RFX3: variants seen among roughly 807,000 people sequenced by gnomAD.
RFX3 encodes transcription factor RFX3.
Under a neutral mutation model 98.6 loss-of-function variants are expected in RFX3, and 14 were observed. The ratio of observed to expected loss-of-function variants is 0.14; its 90% CI spans 0.09 to 0.22. The LOEUF (loss-of-function observed/expected upper bound fraction) is 0.22. RFX3 is among the 10% of genes least tolerant of loss of function. The pLI is 1.00. For missense variants in RFX3, 639 were observed against 926.9 expected (o/e 0.69, Z 4.03); for synonymous variants, 383 against 328.4 (o/e 1.17, Z -1.80).
chr9:3,341,305 A>G (rs1833863157), intron 3 of RFX3, among the ~76,000 whole-genome samples: 1 of 151,996 alleles, frequency 6.6e-6, no homozygotes, highest in Admixed American at 6.6e-5. Flanking sequence ...CCTAATGCTA[A>G]ATGACGAGTT....
intron 1 of RFX3, among the ~76,000 whole-genome samples, chr9:3,477,728 T>G (rs1415834951): frequency 6.6e-6 from 1 of 152,206 alleles, no homozygotes; most frequent in African/African-American, 2.4e-5. Flanking sequence ...TCTGCCATTT[T>G]TTTTTAAATA....
At chr9:3,340,264 A>T (rs1229432920) in intron 3 of RFX3, among the ~76,000 whole-genome samples, 4 of 152,198 alleles carry the variant, frequency 2.6e-5, no homozygotes, top group Non-Finnish European at 5.9e-5. Flanking sequence ...AAGATGGATT[A>T]AAGACTTAAA....
intron 2 of RFX3, among the ~76,000 whole-genome samples, chr9:3,365,358 G>C (rs182643389): frequency 1.3e-5 from 2 of 150,376 alleles, no homozygotes; most frequent in East Asian, 3.9e-4. Context: ...AAAATCATGA[G>C]GTAGTTTGCA....
At chr9:3,521,893 T>C (rs921194945) in intron 1 of RFX3, among the ~76,000 whole-genome samples, 2 of 152,168 alleles carry the variant, frequency 1.3e-5, no homozygotes, top group African/African-American at 4.8e-5. Context: ...CTGTGTACTT[T>C]TTCTGGATTC....
intron 1 of RFX3, among the ~76,000 whole-genome samples, chr9:3,494,620 G>A (rs1465094235): frequency 2.0e-5 from 3 of 151,912 alleles, no homozygotes; most frequent in Non-Finnish European, 4.4e-5. Flanking sequence ...ATAAAACAGA[G>A]AAATATAATA....
chr9:3,371,663 C>A (rs1166511046), intron 2 of RFX3, among the ~76,000 whole-genome samples: 1 of 152,058 alleles, frequency 6.6e-6, no homozygotes, highest in Non-Finnish European at 1.5e-5. Context: ...AAAGACGCTA[C>A]AGGAAGTCCA....
rs144835828 is a variant in RFX3, at chr9:3,450,959, G to C, written c.-8-55363C>G. 4.6e-3 allele frequency among the ~76,000 whole-genome samples: 697 copies of C among 152,224 alleles called. 6 individuals carry two copies. The highest frequency in any genetic ancestry group is 0.016 in the African/African-American group (677 of 41,546). On this transcript the variant is annotated intron_variant, in intron 1 of 16. Transcript: ENST00000617270. ...AATTACAACTGGCACCCAGATCTTG[G>C]TTTCCAATACTATTTTCCAATAAAA...
At chr9:3,525,559 C>G (rs1374025254) in intron 1 of RFX3, among the ~76,000 whole-genome samples, 188 bp downstream of exon 1, 1 of 151,976 alleles carries the variant, frequency 6.6e-6, no homozygotes, top group African/African-American at 2.4e-5. Flanking sequence ...CGCGCAGGGT[C>G]CATTGTAAAC....
chr9:3,465,173 T>C (rs1438745578), intron 1 of RFX3, among the ~76,000 whole-genome samples: 3 of 152,204 alleles, frequency 2.0e-5, no homozygotes, highest in Non-Finnish European at 2.9e-5. Flanking sequence ...TTTACCCCTA[T>C]AAATCAAGAG....
chr9:3,509,213 C>T (rs1817423896), intron 1 of RFX3, among the ~76,000 whole-genome samples: 1 of 152,028 alleles, frequency 6.6e-6, no homozygotes, highest in African/African-American at 2.4e-5. Flanking sequence ...TACTTAAGAG[C>T]GCTGCTACAC....
intron 4 of RFX3, among the ~76,000 whole-genome samples, chr9:3,319,728 G>T (rs1831034778): frequency 6.6e-6 from 1 of 151,936 alleles, no homozygotes. Flanking sequence ...TGCCTTACAG[G>T]ATTAGGTACC....
At chr9:3,387,840 T>G (rs1378716228) in intron 2 of RFX3, among the ~76,000 whole-genome samples, 1 of 152,146 alleles carries the variant, frequency 6.6e-6, no homozygotes, top group East Asian at 1.9e-4. Flanking sequence ...AAAAGAATTC[T>G]ATTCATGTCC....
At chr9:3,338,591 T>C (rs374147782) in intron 3 of RFX3, among the ~76,000 whole-genome samples, 91 of 152,302 alleles carry the variant, frequency 6.0e-4, no homozygotes, top group Non-Finnish European at 1.2e-3. Context: ...GGAGTGCCTG[T>C]TGCAACACAG....
chr9:3,365,768 C>T lies in RFX3; in HGVS notation c.118-19004G>A, dbSNP rs191976927. On this transcript the variant is annotated intron_variant, in intron 2 of 16. Transcript: ENST00000617270. ...TTTATGCTCACACTTCCTGCTATTC[C>T]ACTTCACAGAGATAATGGTATACAA... 1.8e-4 allele frequency among the ~76,000 whole-genome samples: 27 copies of T among 152,062 alleles called. 1 individual carries two copies. The East Asian group carries it at 4.3e-3, about 24-fold the overall frequency.
intron 1 of RFX3, among the ~76,000 whole-genome samples, chr9:3,491,475 C>T (rs1353195714): frequency 1.3e-5 from 2 of 152,132 alleles, no homozygotes; most frequent in African/African-American, 4.8e-5. Flanking sequence ...CAACATGAGT[C>T]AAACATATCT....
At chr9:3,366,802 A>G (rs1370563721) in intron 2 of RFX3, among the ~76,000 whole-genome samples, 1 of 141,598 alleles carries the variant, frequency 7.1e-6, no homozygotes. Flanking sequence ...TTTCAGTTGG[A>G]TTGCATTGAA....
intron 4 of RFX3, among the ~76,000 whole-genome samples, chr9:3,309,012 C>T (rs1018515625): frequency 1.3e-5 from 2 of 152,034 alleles, no homozygotes; most frequent in East Asian, 1.9e-4. Flanking sequence ...AATTTGCTTC[C>T]GTTGTACAAA....
At chr9:3,363,630 T>C (rs77038832) in intron 2 of RFX3, among the ~76,000 whole-genome samples, 1 of 152,306 alleles carries the variant, frequency 6.6e-6, no homozygotes, top group East Asian at 1.9e-4. Context: ...CATTTGATCT[T>C]TGCAAAAATC....
At chr9:3,375,191 C>T (rs957326157) in intron 2 of RFX3, among the ~76,000 whole-genome samples, 8 of 152,328 alleles carry the variant, frequency 5.3e-5, no homozygotes, top group Non-Finnish European at 8.8e-5. Context: ...AAGATTACTA[C>T]TGATCTCTTT....
Sources: gnomAD v4.1 joint callset for allele counts (sites outside exome capture counted in the v4.1 genomes callset) on GRCh38, gnomAD v4.1.1 for gene constraint, MANE v1.5 for transcripts, NCBI Gene and HGNC (gene_info 2026-07-23, HGNC 2026-07-21) for gene names.